Variants in NR6A1 observed in about 807,000 individuals in gnomAD.
NR6A1 encodes the protein retinoic acid receptor-related testis-associated receptor.
In NR6A1, 7 loss-of-function variants were observed where a neutral mutation model predicts 59.1. That is an observed-to-expected ratio of 0.12 (90% CI 0.07 to 0.22). NR6A1 has a LOEUF of 0.22. NR6A1 is among the 10% of genes least tolerant of loss of function. The probability of loss-of-function intolerance (pLI) is 1.00; values close to 1 mark genes in which losing one functional copy is unlikely to be tolerated. For missense variants in NR6A1, 468 were observed against 611.6 expected (o/e 0.77, Z 2.48); for synonymous variants, 243 against 236.1 (o/e 1.03, Z -0.27).
At chr9:124,702,596 G>A (rs1378323926) in intron 2 of NR6A1, among the ~76,000 whole-genome samples, 1 of 151,888 alleles carries the variant, frequency 6.6e-6, no homozygotes, top group African/African-American at 2.4e-5. Context: ...CTCATGAATG[G>A]CCTGGTGCCC....
chr9:124,595,855 C>T (rs1317310100), intron 2 of NR6A1: 7 of 1,282,894 alleles, frequency 5.5e-6, no homozygotes, highest in South Asian at 3.7e-5. Flanking sequence ...ACTACCCTTC[C>T]GACACTTGGT....
At chr9:124,730,842 T>C (rs551470715) in intron 2 of NR6A1, among the ~76,000 whole-genome samples, 3 of 152,154 alleles carry the variant, frequency 2.0e-5, no homozygotes, top group Non-Finnish European at 4.4e-5. Flanking sequence ...AATGCTAAAC[T>C]AGAGGTTTAT....
At chr9:124,667,267 A>G (rs889701669) in intron 2 of NR6A1, among the ~76,000 whole-genome samples, 2 of 151,958 alleles carry the variant, frequency 1.3e-5, no homozygotes, top group African/African-American at 4.8e-5. Context: ...TCCTGACCTC[A>G]TGATCCACCC....
intron 2 of NR6A1, among the ~76,000 whole-genome samples, chr9:124,648,365 A>G (rs1200937553): frequency 2.6e-5 from 4 of 152,186 alleles, no homozygotes; most frequent in African/African-American, 9.7e-5. Flanking sequence ...AATACATGTG[A>G]TCATTTTAAA....
At chr9:124,720,951 T>G (rs1839546509) in intron 2 of NR6A1, among the ~76,000 whole-genome samples, 1 of 152,198 alleles carries the variant, frequency 6.6e-6, no homozygotes, top group South Asian at 2.1e-4. Context: ...AAGCACTGAA[T>G]TTAAGCAACC....
chr9:124,542,123 C>CTGTACTG (rs1588651972), intron 4 of NR6A1, among the ~76,000 whole-genome samples: 1 of 152,162 alleles, frequency 6.6e-6, no homozygotes, highest in Admixed American at 6.5e-5. Context: ...GTTAACAACA[C>CTGTACTG]TGTACTGTAT....
At position 124,524,332 on chromosome 9, in the gene NR6A1, G is replaced by A. The variant is rs1832871096; in HGVS notation, c.1354+389C>T. ...TGAAATTAAGATAATTTTAAAAATT[G>A]AGATATAATTCATGTATCATAAAAT... On this transcript the variant is annotated intron_variant, in intron 9 of 9. Coordinates refer to ENST00000487099, the MANE Select transcript of NR6A1 (RefSeq NM_033334.4). Among the ~76,000 whole-genome samples the A allele has an allele frequency of 3.3e-5, 5 of 152,256 alleles. No homozygotes were observed. The South Asian group carries it at 1.0e-3, about 32-fold the overall frequency.
chr9:124,700,727 A>C (rs1297889879), intron 2 of NR6A1, among the ~76,000 whole-genome samples: 1 of 149,338 alleles, frequency 6.7e-6, no homozygotes, highest in Non-Finnish European at 1.5e-5. Flanking sequence ...CATTTATAAT[A>C]ATGCTATCAA....
intron 2 of NR6A1, among the ~76,000 whole-genome samples, chr9:124,609,424 T>C (rs1835677176): frequency 6.6e-6 from 1 of 152,204 alleles, no homozygotes; most frequent in Admixed American, 6.5e-5. Flanking sequence ...GTTGTAGATG[T>C]GCAGCCTTAT....
rs567133915 is a variant in NR6A1 at position 124,662,068 on chromosome 9, T to A, written c.142+71240A>T. Among the ~76,000 whole-genome samples, 861 of 139,220 alleles carry A rather than the reference T, an allele frequency of 6.2e-3. 7 individuals are homozygous for A. Among genetic ancestry groups the A allele is most frequent in the Non-Finnish European group, 0.01 (642 of 63,364 alleles). The allele number at this position is 139,220 out of a possible 152,430, so 91.3% of individuals were successfully genotyped here. ...TGCCATAATACTTGAGAAATACCTT[T>A]AAAAAAAAAAAAAGCATTTGAAACC... On this transcript the variant is annotated intron_variant, in intron 2 of 9. Transcript: ENST00000487099.
In NR6A1 at chr9:124,771,144, G is replaced by A; in HGVS notation, c.-25C>T. The stretch of plus-strand genomic sequence containing the variant: ...TGCGGTGGTGCCTAGGGTCCGCGCC[G>A]GGTTTGTTGCTCCGCCATGACCGGC... On this transcript the variant is annotated 5_prime_UTR_variant, in exon 1 of 10. Transcript: ENST00000487099. The A allele has an allele frequency of 8.4e-7, 1 of 1,190,536 alleles. No individual in the cohort carries two copies. The highest frequency in any genetic ancestry group is 1.1e-6 in the Non-Finnish European group (1 of 950,124). The allele number at this position is 1,190,536 out of a possible 1,614,324, so 73.7% of individuals were successfully genotyped here. A position where few individuals can be genotyped will look rare whatever the true frequency, so the allele number is the denominator to read the frequency against.
chr9:124,693,863 G>A, intron 2 of NR6A1: 1 of 492,142 alleles, frequency 2.0e-6, no homozygotes, highest in South Asian at 1.5e-5. Flanking sequence ...CTGTGAGTGG[G>A]AGCTGCTACT....
At chr9:124,590,925 A>C (rs1401021990) in intron 2 of NR6A1, among the ~76,000 whole-genome samples, 1 of 152,212 alleles carries the variant, frequency 6.6e-6, no homozygotes, top group Admixed American at 6.5e-5. Flanking sequence ...ATTTTCTTCC[A>C]ATCAACAGAA....
intron 1 of NR6A1, chr9:124,770,308 T>G (rs539230229): frequency 7.9e-6 from 1 of 127,248 alleles, no homozygotes; most frequent in South Asian, 2.7e-4. Context: ...TTGAGGAAGG[T>G]GAGGCGCAGG....
At position 124,644,093 on chromosome 9, in the gene NR6A1, G is replaced by A. The variant is rs189330010; in HGVS notation, c.142+89215C>T. 1.1e-3 allele frequency among the ~76,000 whole-genome samples: 170 copies of A among 151,762 alleles called. 3 individuals carry two copies. Among genetic ancestry groups the A allele is most frequent in the African/African-American group, 3.9e-3 (162 of 41,366 alleles). On this transcript the variant is annotated intron_variant, in intron 2 of 9. Coordinates refer to ENST00000487099, the MANE Select transcript of NR6A1 (RefSeq NM_033334.4). ...TTTTTGTATTTTTGGTAGAGACAGG[G>A]TTTCACTATATTGGCCAGGATGGCC... is the stretch of plus-strand genomic sequence containing the variant.
chr9:124,659,493 G>A (rs1837364641), intron 2 of NR6A1, among the ~76,000 whole-genome samples: 1 of 152,224 alleles, frequency 6.6e-6, no homozygotes, highest in Non-Finnish European at 1.5e-5. Flanking sequence ...GGGAACTGGA[G>A]TGGGCAAGGG....
intron 2 of NR6A1, among the ~76,000 whole-genome samples, chr9:124,580,422 A>G (rs1456403944): frequency 6.6e-6 from 1 of 152,118 alleles, no homozygotes; most frequent in Admixed American, 6.5e-5. Context: ...AGCATGAAAG[A>G]AGGTTTTTTT....
At chr9:124,692,512 GA>G in intron 2 of NR6A1, 1 of 531,690 alleles carries the variant, frequency 1.9e-6, no homozygotes, top group South Asian at 1.4e-5. Context: ...TTTGGGATTT[GA>G]AAAAACCACT....
chr9:124,534,111 C>T (rs1331109397), intron 7 of NR6A1, among the ~76,000 whole-genome samples: 51 of 143,762 alleles, frequency 3.5e-4, no homozygotes, highest in Admixed American at 2.9e-3. Flanking sequence ...TCGCTCTTGT[C>T]GCCCAGGCTG....
Sources: allele counts gnomAD v4.1 joint callset (sites outside exome capture counted in the v4.1 genomes callset), GRCh38; gene constraint gnomAD v4.1.1; transcripts MANE v1.5; gene names NCBI Gene and HGNC (gene_info 2026-07-23, HGNC 2026-07-21).